Variants in NUP210L observed in about 807,000 individuals in gnomAD.
NUP210L encodes nuclear pore membrane glycoprotein 210-like.
Under a neutral mutation model 208.5 loss-of-function variants are expected in NUP210L, and 74 were observed. The observed-to-expected ratio is 0.35, with a 90% CI of 0.29 to 0.43. The LOEUF is 0.43. NUP210L is among the 20% of genes least tolerant of loss of function. NUP210L has a pLI of 1.00. For missense variants in NUP210L, 1,843 were observed against 2,289.4 expected (o/e 0.81, Z 3.98); for synonymous variants, 780 against 816.9 (o/e 0.95, Z 0.77).
chr1:154,018,271 C>CT (rs1232249448), intron 33 of NUP210L, among the ~76,000 whole-genome samples: 2 of 152,106 alleles, frequency 1.3e-5, no homozygotes, highest in African/African-American at 4.8e-5. Flanking sequence ...CGCGCCTGGC[C>CT]TTTTTTCTAT....
intron 13 of NUP210L, among the ~76,000 whole-genome samples, chr1:154,101,580 C>T (rs1390282668): frequency 6.6e-6 from 1 of 152,080 alleles, no homozygotes; most frequent in Non-Finnish European, 1.5e-5. Context: ...ATATATAAGA[C>T]AACAGTTGTA....
intron 27 of NUP210L, among the ~76,000 whole-genome samples, chr1:154,043,346 C>T (rs1379673568): frequency 6.7e-6 from 1 of 149,518 alleles, no homozygotes; most frequent in African/African-American, 2.5e-5. Flanking sequence ...TGGAGTTTCA[C>T]TCTTGTTGCC....
intron 7 of NUP210L, among the ~76,000 whole-genome samples, chr1:154,134,161 T>A (rs2494668): frequency 0.82 from 116,074 of 142,368 alleles, 47,396 homozygotes; most frequent in Admixed American, 0.85. Flanking sequence ...AAAAAAAAAA[T>A]AATAATAATA....
chr1:154,130,576 ATTT>A (rs765115829), intron 7 of NUP210L, among the ~76,000 whole-genome samples: 20 of 98,918 alleles, frequency 2.0e-4, no homozygotes, highest in Non-Finnish European at 2.2e-4. Context: ...CCTGGCCCCA[ATTT>A]TTTTTTTTTT....
chr1:154,036,366 CTTTTTTTT>C (rs34750631), intron 27 of NUP210L, among the ~76,000 whole-genome samples: 1 of 65,464 alleles, frequency 1.5e-5, no homozygotes, highest in Non-Finnish European at 3.0e-5. Context: ...GTGTGTATAA[CTTTTTTTT>C]TTTTTTTTTT....
intron 10 of NUP210L, 148 bp downstream of exon 10, chr1:154,126,175 G>T: frequency 1.7e-6 from 1 of 578,190 alleles, no homozygotes; most frequent in Non-Finnish European, 3.0e-6. Context: ...AAAATTTGTA[G>T]AGGTATACAC....
intron 17 of NUP210L, among the ~76,000 whole-genome samples, chr1:154,068,491 C>T (rs1377930567): frequency 6.6e-6 from 1 of 152,080 alleles, no homozygotes; most frequent in Non-Finnish European, 1.5e-5. Context: ...ACCATCCTGG[C>T]TAACATGGTG....
chr1:154,069,644 G>A lies in NUP210L; in HGVS notation c.2554+629C>T, dbSNP rs543980533. Reference sequence around the variant, plus strand: ...CAACCATTGTGGAAGACAGTGTGGCGATTCCTCAAGGATCTAGAACTGGAA... The same window carrying A: ...CAACCATTGTGGAAGACAGTGTGGCAATTCCTCAAGGATCTAGAACTGGAA... On this transcript the variant is annotated intron_variant, in intron 17 of 39. Coordinates refer to ENST00000368559, the Ensembl canonical transcript of NUP210L. 8.5e-5 allele frequency among the ~76,000 whole-genome samples: 13 copies of A among 152,282 alleles called. No homozygotes were observed. In the East Asian group the frequency reaches 1.2e-3, roughly 14 times the overall value.
intron 8 of NUP210L, among the ~76,000 whole-genome samples, chr1:154,127,872 T>C (rs1352191132): frequency 1.3e-5 from 2 of 151,006 alleles, no homozygotes; most frequent in Non-Finnish European, 3.0e-5. Context: ...GATTTTTTTG[T>C]TGTTATTTTT....
intron 35 of NUP210L, among the ~76,000 whole-genome samples, chr1:154,008,567 C>T (rs1650704634): frequency 1.3e-5 from 2 of 152,066 alleles, no homozygotes; most frequent in South Asian, 2.1e-4. Context: ...ATTATCTGGG[C>T]GTGGTGACAC....
At chr1:154,102,054 G>A (rs1656499553) in intron 13 of NUP210L, among the ~76,000 whole-genome samples, 1 of 152,090 alleles carries the variant, frequency 6.6e-6, no homozygotes, top group Admixed American at 6.5e-5. Context: ...AGGAGGCTGA[G>A]GGACAAGAAT....
Position 154,047,145 on chromosome 1 carries a change from C to T in NUP210L, c.3484-776G>A, listed in dbSNP as rs117054345. Among the ~76,000 whole-genome samples the T allele has an allele frequency of 4.5e-4, 69 of 151,946 alleles. No homozygotes were observed. In the East Asian group the frequency reaches 0.013, roughly 29 times the overall value. ...GGGGGCTATGGGGATGATTAATGGGCAGAAAAATATAGTTAGAATGAAAAA... is the reference window on the plus strand; with the variant it reads ...GGGGGCTATGGGGATGATTAATGGGTAGAAAAATATAGTTAGAATGAAAAA... On this transcript the variant is annotated intron_variant, in intron 25 of 39. Coordinates refer to ENST00000368559, the Ensembl canonical transcript of NUP210L.
rs79204435 is a variant in NUP210L, at chr1:154,000,831, A to G, written c.5386+25T>C. 886 of 1,586,440 alleles carry G rather than the reference A, an allele frequency of 5.6e-4. 13 individuals are homozygous for G. The East Asian group carries it at 0.02, about 35-fold the overall frequency. The stretch of plus-strand genomic sequence containing the variant: ...TCTTTCTTCTTTTCCTCTCTAGATT[A>G]TAAATAGGAATCTCTGATGCTTACC... On this transcript the variant is annotated intron_variant, in intron 37 of 39. Coordinates refer to ENST00000368559, the Ensembl canonical transcript of NUP210L.
At chr1:154,046,080 T>G (rs1240480442) in exon 27 of NUP210L, 1 of 1,614,036 alleles carries the variant, frequency 6.2e-7, no homozygotes. Flanking sequence ...TCTGAATGCC[T>G]GGGCACTAGA....
At chr1:154,006,695 A>G (rs1650542481) in intron 35 of NUP210L, among the ~76,000 whole-genome samples, 1 of 150,140 alleles carries the variant, frequency 6.7e-6, no homozygotes, top group Non-Finnish European at 1.5e-5. Context: ...GGGTTTCACC[A>G]TGTTGGCCAG....
intron 23 of NUP210L, among the ~76,000 whole-genome samples, chr1:154,056,122 C>T (rs1278171243): frequency 1.3e-5 from 2 of 152,192 alleles, no homozygotes; most frequent in Admixed American, 6.5e-5. Flanking sequence ...TCATTTAACA[C>T]CTTTAAAATT....
intron 17 of NUP210L, among the ~76,000 whole-genome samples, chr1:154,070,062 G>T (rs57841658): frequency 0.023 from 3,493 of 152,216 alleles, 151 homozygotes; most frequent in African/African-American, 0.079. Context: ...GGGGTGCGGG[G>T]ATGGGGGAGA....
At chr1:154,101,583 C>G (rs1159259906) in intron 13 of NUP210L, among the ~76,000 whole-genome samples, 1 of 152,080 alleles carries the variant, frequency 6.6e-6, no homozygotes, top group African/African-American at 2.4e-5. Flanking sequence ...TATAAGACAA[C>G]AGTTGTATGT....
chr1:154,054,628 A>G (rs1258845010), intron 24 of NUP210L, 142 bp downstream of exon 24: 1 of 760,374 alleles, frequency 1.3e-6, no homozygotes, highest in Non-Finnish European at 2.2e-6. Flanking sequence ...CAGGGAAAAT[A>G]CTAATCTTGT....
Sources: allele counts gnomAD v4.1 joint callset (sites outside exome capture counted in the v4.1 genomes callset), GRCh38; gene constraint gnomAD v4.1.1; transcripts MANE v1.5; gene names NCBI Gene and HGNC (gene_info 2026-07-23, HGNC 2026-07-21).